SLC5A3: variants seen among roughly 807,000 people sequenced by gnomAD.
SLC5A3 encodes solute carrier family 5 member 3, also known as sodium/myo-inositol cotransporter.
SLC5A3 carries 10 observed loss-of-function variants against 43.2 expected under a neutral mutation model. The observed-to-expected ratio is 0.23, with a 90% CI of 0.14 to 0.39. SLC5A3 has a LOEUF of 0.39. SLC5A3 is among the 10% of genes least tolerant of loss of function. The pLI, the probability that SLC5A3 is intolerant of heterozygous loss-of-function variation, is 1.00. For synonymous variants in SLC5A3, 349 were observed against 322.0 expected (o/e 1.08, Z -0.90); for missense variants, 608 against 893.4 (o/e 0.68, Z 4.07).
chr21:34,074,452 C>A (rs992614759), intron 1 of SLC5A3, among the ~76,000 whole-genome samples: 1 of 152,240 alleles, frequency 6.6e-6, no homozygotes, highest in African/African-American at 2.4e-5. Flanking sequence ...ACACTTTCTT[C>A]CCCCTGCTTT....
intron 1 of SLC5A3, among the ~76,000 whole-genome samples, chr21:34,077,984 G>T (rs1454781242): frequency 6.6e-6 from 1 of 152,144 alleles, no homozygotes. Context: ...GATACCCTTT[G>T]GAGATGGAGG....
At chr21:34,085,680 C>T (rs989107370) in intron 1 of SLC5A3, among the ~76,000 whole-genome samples, 1 of 150,098 alleles carries the variant, frequency 6.7e-6, no homozygotes, top group Non-Finnish European at 1.5e-5. Context: ...CGGCTCACTG[C>T]AAGCTCTGCC....
chr21:34,085,485 A>G (rs959944174), intron 1 of SLC5A3, among the ~76,000 whole-genome samples: 8 of 152,174 alleles, frequency 5.3e-5, no homozygotes, highest in Non-Finnish European at 1.0e-4. Context: ...TTTTCCAACA[A>G]TCTGCATTGG....
chr21:34,080,667 CTT>C (rs1484965031), intron 1 of SLC5A3, among the ~76,000 whole-genome samples: 1 of 152,182 alleles, frequency 6.6e-6, no homozygotes, highest in Non-Finnish European at 1.5e-5. Flanking sequence ...TCACTTTCTA[CTT>C]TGTATTACAG....
Position 34,099,982 on chromosome 21 carries a change from C to A in SLC5A3, c.*2627C>A. ...TTAGAATGATTGTTCCTGGAATGAT[C>A]ATACATGGACTGTCTTAAGCTAGCA... On this transcript the variant is annotated 3_prime_UTR_variant, in exon 2 of 2. Transcript: ENST00000381151. The A allele has an allele frequency of 3.8e-6, 2 of 532,956 alleles. No individual in the cohort carries two copies. The highest frequency in any genetic ancestry group is 5.0e-6 in the Non-Finnish European group (2 of 403,592). 33.0% of individuals were successfully genotyped at this position (532,956 alleles called of 1,614,324 possible).
chr21:34,100,135 A>T lies in SLC5A3; in HGVS notation c.*2780A>T. On this transcript the variant is annotated 3_prime_UTR_variant, in exon 2 of 2. Coordinates refer to ENST00000381151, the MANE Select transcript of SLC5A3 (RefSeq NM_006933.7). ...GAATTGAAGCTTGATATTGACTAGA[A>T]TAGCTAAAAGTCAAAATGAGGTGAG... 1.1e-5 allele frequency: 11 copies of T among 999,470 alleles called. No homozygotes were observed. Among genetic ancestry groups the T allele is most frequent in the Non-Finnish European group, 1.3e-5 (11 of 829,232 alleles). 61.9% of individuals were successfully genotyped at this position (999,470 alleles called of 1,614,324 possible). A position where few individuals can be genotyped will look rare whatever the true frequency, so the allele number is the denominator to read the frequency against.
rs1979164708 is a variant in SLC5A3, at chr21:34,100,066, C to T, written c.*2711C>T. On this transcript the variant is annotated 3_prime_UTR_variant, in exon 2 of 2. Coordinates refer to ENST00000381151, the MANE Select transcript of SLC5A3 (RefSeq NM_006933.7). ...CTAAATGATGACATTGGTCTTTAGA[C>T]ATTAACATGTGTATATTTTTATATT... The T allele has an allele frequency of 1.0e-6, 1 of 995,856 alleles. No homozygotes were observed. 61.7% of individuals were successfully genotyped at this position (995,856 alleles called of 1,614,324 possible). A position where few individuals can be genotyped will look rare whatever the true frequency, so the allele number is the denominator to read the frequency against.
rs1979011303 is a variant in SLC5A3 at position 34,097,308 on chromosome 21, G to A, written c.2110G>A (p.Ala704Thr). The change falls in exon 2 of 2, where the codon GCT becomes ACT. Residue 704 changes from alanine (A) to threonine (T), a missense_variant. Transcript: ENST00000381151. ...VKVILNIGLF[A>T]VCSLGIFMFV... ...AGTAATACTAAATATTGGACTTTTT[G>A]CTGTGTGTTCACTTGGAATTTTCAT... is the stretch of plus-strand genomic sequence containing the variant. 1.2e-6 allele frequency: 2 copies of A among 1,610,822 alleles called. No individual in the cohort carries two copies. The highest frequency in any genetic ancestry group is 1.7e-6 in the Non-Finnish European group (2 of 1,178,918).
rs1438385373 is a variant in SLC5A3 at position 34,104,582 on chromosome 21, A to G, written c.*7227A>G. 3 of 999,658 alleles carry G rather than the reference A, an allele frequency of 3.0e-6. No homozygotes were observed. In the African/African-American group the frequency reaches 5.2e-5, roughly 17 times the overall value. 61.9% of individuals were successfully genotyped at this position (999,658 alleles called of 1,614,324 possible). A position where few individuals can be genotyped will look rare whatever the true frequency, so the allele number is the denominator to read the frequency against. ...TATATCTGGTGTAGACTAATATGAG[A>G]TGTTTTAGAAGAGTTAACCTGAACA... On this transcript the variant is annotated 3_prime_UTR_variant, in exon 2 of 2. Transcript: ENST00000381151.
At chr21:34,074,832 C>CTTT (rs1989287131) in intron 1 of SLC5A3, among the ~76,000 whole-genome samples, 1 of 152,216 alleles carries the variant, frequency 6.6e-6, no homozygotes, top group Non-Finnish European at 1.5e-5. Context: ...TTTGGTTGAA[C>CTTT]TTAAGCTCAA....
intron 1 of SLC5A3, among the ~76,000 whole-genome samples, chr21:34,085,977 A>C (rs1306102569): frequency 2.6e-5 from 4 of 152,184 alleles, no homozygotes; most frequent in Non-Finnish European, 5.9e-5. Flanking sequence ...GTTCATGTTC[A>C]AATTCCCTGA....
chr21:34,103,838 T>TG lies in SLC5A3; in HGVS notation c.*6488dup. ...ATGTCAAGAATGCCAAAATTATATT[T>TG]GGGGGTTACTAGCTAAAATGGGGTT... is the stretch of plus-strand genomic sequence containing the variant. On this transcript the variant is annotated 3_prime_UTR_variant, in exon 2 of 2. Transcript: ENST00000381151. The TG allele has an allele frequency of 1.0e-6, 1 of 1,000,128 alleles. No homozygotes were observed. Among genetic ancestry groups the TG allele is most frequent in the Non-Finnish European group, 1.2e-6 (1 of 829,906 alleles). 62.0% of individuals were successfully genotyped at this position (1,000,128 alleles called of 1,614,324 possible). A position where few individuals can be genotyped will look rare whatever the true frequency, so the allele number is the denominator to read the frequency against.
chr21:34,078,140 G>A (rs1031860750), intron 1 of SLC5A3, among the ~76,000 whole-genome samples: 3 of 152,050 alleles, frequency 2.0e-5, no homozygotes, highest in Non-Finnish European at 2.9e-5. Flanking sequence ...GCTGTCAAGT[G>A]GTCTTTTTTT....
chr21:34,106,004 A>G lies in SLC5A3; in HGVS notation c.*8649A>G. ...TTTTTGAAAGTGTTATTGTTTAAAA[A>G]ATGAAAAAAGCATATCTGCTAAAGA... On this transcript the variant is annotated 3_prime_UTR_variant, in exon 2 of 2. Coordinates refer to ENST00000381151, the MANE Select transcript of SLC5A3 (RefSeq NM_006933.7). 1 of 995,772 alleles carries G rather than the reference A, an allele frequency of 1.0e-6. No individual in the cohort carries two copies. Among genetic ancestry groups the G allele is most frequent in the Admixed American group, 6.1e-5 (1 of 16,284 alleles). 61.7% of individuals were successfully genotyped at this position (995,772 alleles called of 1,614,324 possible).
Position 34,101,220 on chromosome 21 carries a change from A to G in SLC5A3, c.*3865A>G, listed in dbSNP as rs574691493. The G allele has an allele frequency of 3.0e-6, 3 of 1,000,076 alleles. No homozygotes were observed. The highest frequency in any genetic ancestry group is 1.7e-5 in the African/African-American group (1 of 57,342). 62.0% of individuals were successfully genotyped at this position (1,000,076 alleles called of 1,614,324 possible). A position where few individuals can be genotyped will look rare whatever the true frequency, so the allele number is the denominator to read the frequency against. On this transcript the variant is annotated 3_prime_UTR_variant, in exon 2 of 2. Coordinates refer to ENST00000381151, the MANE Select transcript of SLC5A3 (RefSeq NM_006933.7). Reference sequence around the variant, plus strand: ...ACAAATATTAGCTTAAAATCTGCATATGTAGAATCATTTTCATTAGATTTA... The same window carrying G: ...ACAAATATTAGCTTAAAATCTGCATGTGTAGAATCATTTTCATTAGATTTA...
At chr21:34,088,385 GA>G in intron 1 of SLC5A3, among the ~76,000 whole-genome samples, 3 of 20,328 alleles carry the variant, frequency 1.5e-4, no homozygotes, top group African/African-American at 5.3e-4. Flanking sequence ...TGCTGTATGT[GA>G]AGCCTATGCC....
chr21:34,081,630 T>A (rs1011472865), intron 1 of SLC5A3, among the ~76,000 whole-genome samples: 1 of 152,208 alleles, frequency 6.6e-6, no homozygotes, highest in Non-Finnish European at 1.5e-5. Context: ...CTAAGGACTT[T>A]AACCTTCTGG....
rs1487236933 is a variant in SLC5A3 at position 34,073,729 on chromosome 21, T to A, written c.-353T>A. 4 of 1,526,226 alleles carry A rather than the reference T, an allele frequency of 2.6e-6. No individual in the cohort carries two copies. The African/African-American group carries it at 4.3e-5, about 17-fold the overall frequency. The allele number at this position is 1,526,226 out of a possible 1,614,324, so 94.5% of individuals were successfully genotyped here. Reference sequence around the variant, plus strand: ...CCCCGCTACGAGCTGGCTTTAATCCTGAAAGCCATGCAGCGGGTAAGTGAC... The same window carrying A: ...CCCCGCTACGAGCTGGCTTTAATCCAGAAAGCCATGCAGCGGGTAAGTGAC... On this transcript the variant is annotated 5_prime_UTR_variant, in exon 1 of 2. Coordinates refer to ENST00000381151, the MANE Select transcript of SLC5A3 (RefSeq NM_006933.7).
chr21:34,094,402 A>G (rs1014502662), intron 1 of SLC5A3, among the ~76,000 whole-genome samples: 2 of 152,200 alleles, frequency 1.3e-5, no homozygotes, highest in African/African-American at 4.8e-5. Flanking sequence ...TGCCTGTTCC[A>G]TCCAGGACCC....
Sources: allele counts gnomAD v4.1 joint callset (sites outside exome capture counted in the v4.1 genomes callset), GRCh38; gene constraint gnomAD v4.1.1; transcripts MANE v1.5; gene names NCBI Gene and HGNC (gene_info 2026-07-23, HGNC 2026-07-21).